ESCO2: variants seen among roughly 807,000 people sequenced by gnomAD.
The protein encoded by ESCO2 is N-acetyltransferase ESCO2.
In ESCO2, 51 loss-of-function variants were observed where a neutral mutation model predicts 61.7. The ratio of observed to expected loss-of-function variants is 0.83; its 90% confidence interval spans 0.66 to 1.04. The LOEUF (loss-of-function observed/expected upper bound fraction) is 1.04, where lower values mean the gene tolerates loss of function less well. Ranked by LOEUF, ESCO2 falls within the 50% of genes least tolerant of loss-of-function variation. ESCO2 has a pLI of 0.00. For synonymous variants in ESCO2, 230 were observed against 238.2 expected, an observed-to-expected ratio of 0.97 and a Z score of 0.32; for missense variants, 692 against 686.2, an observed-to-expected ratio of 1.01 and a Z score of -0.09.
At chr8:27,772,687 C>T, upstream of ESCO2, 1 of 689,938 alleles carries the variant, frequency 1.4e-6, no homozygotes, top group South Asian at 2.0e-5. Context: ...TAACGCCGGC[C>T]GTGGGCGCCA....
chr8:27,802,714 T>C (rs953323123), intron 10 of ESCO2, among the ~76,000 whole-genome samples: 4 of 143,708 alleles, frequency 2.8e-5, no homozygotes, highest in East Asian at 2.0e-4. Flanking sequence ...TCTAATTATC[T>C]TTGGCTTTTA....
At chr8:27,782,959 G>A (rs1804957974) in intron 4 of ESCO2, among the ~76,000 whole-genome samples, 2 of 152,076 alleles carry the variant, frequency 1.3e-5, no homozygotes, top group East Asian at 1.9e-4. Context: ...GGCTACCTCA[G>A]TAGCCTGGTT....
chr8:27,776,687 C>G lies in ESCO2; in HGVS notation c.379C>G (p.Gln127Glu). Residue 127 changes from glutamine (Q) to glutamate (E), a missense_variant, in exon 3 of 11, where the codon CAA (glutamine) becomes GAA (glutamate). Physicochemically the swap from Gln to Glu is conservative, Grantham distance 29. Transcript: ENST00000305188. The part of the protein sequence containing the change: ...KSFPIVTEKM[Q>E]GKPVCSKKNN... Reference sequence around the variant, plus strand: ...TTTTCCCATTGTGACAGAAAAAATGCAAGGAAAACCAGTCTGCTCCAAGAA... The same window carrying G: ...TTTTCCCATTGTGACAGAAAAAATGGAAGGAAAACCAGTCTGCTCCAAGAA... 6.2e-7 allele frequency: 1 copy of G among 1,613,594 alleles called. No homozygotes were observed. Among genetic ancestry groups the G allele is most frequent in the Non-Finnish European group, 8.5e-7 (1 of 1,179,976 alleles).
chr8:27,814,596 T>C (rs201499636), downstream of ESCO2, among the ~76,000 whole-genome samples: 41 of 152,302 alleles, frequency 2.7e-4, no homozygotes, highest in East Asian at 7.3e-3. Context: ...TCAATGAACA[T>C]AGGTCATTGA....
chr8:27,780,149 G>A (rs192719924), intron 3 of ESCO2, 25 bp from the exon 4 acceptor site: 1 of 1,282,164 alleles, frequency 7.8e-7, no homozygotes. Context: ...CAGATGTTTG[G>A]TTTTTTTTTT....
In ESCO2 at chr8:27,787,914, G is replaced by T. The variant is rs753954747; in HGVS notation, c.1043G>T (p.Gly348Val). 3 of 1,613,410 alleles carry T rather than the reference G, an allele frequency of 1.9e-6. No homozygotes were observed. The highest frequency in any genetic ancestry group is 2.5e-6 in the Non-Finnish European group (3 of 1,179,754). Residue 348 changes from glycine (G) to valine (V), a missense_variant, in exon 6 of 11, where the codon GGA (glycine) becomes GTA (valine). Physicochemically the swap from Gly to Val is moderately radical, Grantham distance 109. Coordinates refer to ENST00000305188, the MANE Select transcript of ESCO2 (RefSeq NM_001017420.3). ...TTAGGTGAAGAACAGTTTTCTGTGGGATCTGTCAACTTCATGAAACAGACC... is the reference window on the plus strand; with the variant it reads ...TTAGGTGAAGAACAGTTTTCTGTGGTATCTGTCAACTTCATGAAACAGACC... ...RSLGEEQFSV[G>V]SVNFMKQTNI...
At chr8:27,779,506 CA>C (rs1804874976) in intron 3 of ESCO2, 1 of 152,194 alleles carries the variant, frequency 6.6e-6, no homozygotes, top group Non-Finnish European at 1.5e-5. Context: ...AAGTTTATGG[CA>C]AAAAGTTGTC....
downstream of ESCO2, among the ~76,000 whole-genome samples, chr8:27,814,328 G>A (rs72609987): frequency 0.14 from 21,993 of 151,990 alleles, 1,997 homozygotes; most frequent in East Asian, 0.36. Flanking sequence ...CCATAAAGCC[G>A]TTTATAATAG....
At chr8:27,786,898 T>C (rs1585399144) in intron 5 of ESCO2, among the ~76,000 whole-genome samples, 1 of 151,106 alleles carries the variant, frequency 6.6e-6, no homozygotes, top group South Asian at 2.1e-4. Context: ...TTCTACTCTT[T>C]AGGGATTTCT....
intron 4 of ESCO2, among the ~76,000 whole-genome samples, chr8:27,781,194 A>G (rs1022809372): frequency 2.6e-5 from 4 of 152,206 alleles, no homozygotes; most frequent in Non-Finnish European, 5.9e-5. Flanking sequence ...AATTCTCCCT[A>G]CTACTCTAGG....
chr8:27,818,597 CTT>C, the ESCO2 span, among the ~76,000 whole-genome samples: 1 of 152,094 alleles, frequency 6.6e-6, no homozygotes, highest in African/African-American at 2.4e-5. Flanking sequence ...TCAACAGTCT[CTT>C]CATAATAGAG....
downstream of ESCO2, chr8:27,805,396 C>T (rs1433151467): frequency 6.7e-6 from 1 of 150,182 alleles, no homozygotes; most frequent in Non-Finnish European, 1.5e-5. Flanking sequence ...AGTTATTTTG[C>T]ATCTTGCCTC....
At chr8:27,809,664 A>G (rs1805629225), downstream of ESCO2, 1 of 152,232 alleles carries the variant, frequency 6.6e-6, no homozygotes, top group South Asian at 2.1e-4. Flanking sequence ...ATCCTATTTG[A>G]GTTTTATTGT....
chr8:27,815,194 G>A (rs17057902), downstream of ESCO2, among the ~76,000 whole-genome samples: 2 of 146,916 alleles, frequency 1.4e-5, no homozygotes, highest in African/African-American at 5.2e-5. Flanking sequence ...AGAACAAAAG[G>A]GAGGGGTAAA....
intron 7 of ESCO2, among the ~76,000 whole-genome samples, chr8:27,790,523 A>AT (rs889368090): frequency 1.3e-5 from 2 of 148,772 alleles, no homozygotes; most frequent in Non-Finnish European, 3.0e-5. Context: ...CATTACTTGG[A>AT]TTTTTTTAAC....
intron 10 of ESCO2, among the ~76,000 whole-genome samples, chr8:27,802,632 T>TAA (rs1805466494): frequency 6.6e-5 from 2 of 30,418 alleles, no homozygotes; most frequent in Non-Finnish European, 1.1e-4. Context: ...AAAAAAAAAA[T>TAA]ATATATATAT....
downstream of ESCO2, chr8:27,810,561 A>G: frequency 1.0e-6 from 1 of 956,744 alleles, no homozygotes; most frequent in Non-Finnish European, 1.6e-6. Context: ...GGAAAAGTTT[A>G]ATAGCTCACC....
Position 27,776,716 on chromosome 8 carries a change from C to T in ESCO2, c.408C>T (p.Asn136=). 1.9e-6 allele frequency: 3 copies of T among 1,613,708 alleles called. No individual in the cohort carries two copies. The highest frequency in any genetic ancestry group is 2.5e-6 in the Non-Finnish European group (3 of 1,179,968). ...GAAAACCAGTCTGCTCCAAGAAGAA[C>T]AACAAAAAACCACAGAAGAGTTTAA... is the stretch of plus-strand genomic sequence containing the variant. The part of the protein sequence containing the change: ...MQGKPVCSKK[N]NKKPQKSLTA... Residue 136 remains asparagine, a synonymous_variant, in exon 3 of 11, where the codon AAC becomes AAT. Transcript: ENST00000305188.
downstream of ESCO2, among the ~76,000 whole-genome samples, chr8:27,808,573 G>A (rs943028344): frequency 2.0e-5 from 3 of 151,410 alleles, no homozygotes; most frequent in Non-Finnish European, 2.9e-5. Context: ...CCAGCTACTC[G>A]GAGTGGGAGG....
Sources: gnomAD v4.1 joint callset for allele counts (sites outside exome capture counted in the v4.1 genomes callset) on GRCh38, gnomAD v4.1.1 for gene constraint, MANE v1.5 for transcripts, NCBI Gene and HGNC (gene_info 2026-07-23, HGNC 2026-07-21) for gene names.